The following EPPK1 variants were observed in gnomAD, a reference collection of about 807,000 sequenced individuals.
EPPK1 encodes epiplakin 1, also known as epiplakin.
For synonymous variants in EPPK1, 1,862 were observed against 1,721.2 expected, an observed-to-expected ratio of 1.08 and a Z score of -2.03; for missense variants, 3,823 against 3,673.3, an observed-to-expected ratio of 1.04 and a Z score of -1.05.
Position 143,866,753 on chromosome 8 carries a change from G to A in EPPK1, c.6501C>T (p.Thr2167=), listed in dbSNP as rs1001031141. 3 of 1,613,528 alleles carry A rather than the reference G, an allele frequency of 1.9e-6. No individual in the cohort carries two copies. Among genetic ancestry groups the A allele is most frequent in the African/African-American group, 1.3e-5 (1 of 75,062 alleles). Residue 2167 remains threonine, a synonymous_variant, in exon 2 of 2, where the codon ACC becomes ACT. Transcript: ENST00000615648. ...LILELIEKQE[T]SNKHLWFQGI... ...CTTGGAACCACAGGTGTTTGTTGCT[G>A]GTTTCCTGCTTCTCGATCAACTCTA...
rs146891634 is a variant in EPPK1 at position 143,877,812 on chromosome 8, G to A, written c.-46+626C>T. Among the ~76,000 whole-genome samples, 479 of 152,062 alleles carry A rather than the reference G, an allele frequency of 3.2e-3. 1 individual carries two copies. The highest frequency in any genetic ancestry group is 6.4e-3 in the South Asian group (31 of 4,814). ...ACAAGCTTGGCACAGTGCAGCGGGGGCCCAGGGCAGGGAAGCAGAGCCCTG... is the reference window on the plus strand; with the variant it reads ...ACAAGCTTGGCACAGTGCAGCGGGGACCCAGGGCAGGGAAGCAGAGCCCTG... On this transcript the variant is annotated intron_variant, in intron 1 of 1. Transcript: ENST00000615648.
chr8:143,878,594 CGGGCCT>C (rs1819539301), upstream of EPPK1: 1 of 151,282 alleles, frequency 6.6e-6, no homozygotes, highest in African/African-American at 2.4e-5. Flanking sequence ...CCGCGCGGCC[CGGGCCT>C]GGCGCTTGCA....
At position 143,871,472 on chromosome 8, in the gene EPPK1, C is replaced by G; in HGVS notation, c.1782G>C (p.Lys594Asn). 6.2e-7 allele frequency: 1 copy of G among 1,608,864 alleles called. No individual in the cohort carries two copies. Among genetic ancestry groups the G allele is most frequent in the South Asian group, 1.1e-5 (1 of 90,376 alleles). ...GCACCGAGGCCAGGCTGCCCACATCCTTGGCTGTGGCCTGTCCATGCTCCA... is the reference window on the plus strand; with the variant it reads ...GCACCGAGGCCAGGCTGCCCACATCGTTGGCTGTGGCCTGTCCATGCTCCA... Reference protein sequence around the residue: ...ERLEHGQATAKDVGSLASVQR... With the variant: ...ERLEHGQATANDVGSLASVQR... The change falls in exon 2 of 2, where the codon AAG (lysine) becomes AAC (asparagine). Residue 594 changes from lysine to asparagine, a missense_variant. Coordinates refer to ENST00000615648, the MANE Select transcript of EPPK1 (RefSeq NM_031308.4).
chr8:143,877,137 G>A (rs1554662400), intron 1 of EPPK1, among the ~76,000 whole-genome samples: 2 of 152,258 alleles, frequency 1.3e-5, no homozygotes, highest in African/African-American at 4.8e-5. Flanking sequence ...CACCATGCGT[G>A]AGATGCGGCC....
Position 143,872,993 on chromosome 8 carries a change from G to A in EPPK1, c.261C>T (p.Leu87=), listed in dbSNP as rs556305553. 7.6e-6 allele frequency: 12 copies of A among 1,582,968 alleles called. No individual in the cohort carries two copies. Among genetic ancestry groups the A allele is most frequent in the East Asian group, 4.5e-5 (2 of 44,338 alleles). Residue 87 remains leucine, a synonymous_variant, in exon 2 of 2, where the codon CTC becomes CTT. Coordinates refer to ENST00000615648, the MANE Select transcript of EPPK1 (RefSeq NM_031308.4). ...ACACAGGGAGCAGCTGGCCCCGGGC[G>A]AGGTCCACCAGGCCCCCAGTGGCTG... ...AQAATGGLVD[L]ARGQLLPVSK...
Position 143,867,128 on chromosome 8 carries a change from C to T in EPPK1, c.6126G>A (p.Ala2042=), listed in dbSNP as rs781957651. The T allele has an allele frequency of 3.7e-5, 60 of 1,612,676 alleles. No homozygotes were observed. The highest frequency in any genetic ancestry group is 2.7e-4 in the East Asian group (12 of 44,886). Residue 2042 remains alanine, a synonymous_variant, in exon 2 of 2, where the codon GCG becomes GCA. Coordinates refer to ENST00000615648, the MANE Select transcript of EPPK1 (RefSeq NM_031308.4). ...TCATGTGCTTCTGGTCGGAAATGAG[C>T]GCATAGATGTCCTTGTGCAGACAGC... ...RRGCLHKDIY[A]LISDQKHMRK...
rs782145665 is a variant in EPPK1, at chr8:143,867,010, G to A, written c.6244C>T (p.Leu2082=). Reference sequence around the variant, plus strand: ...CGTGCAGCCTTGTTCACTGGGAACAGCAGCCAGCCCGTGTCCTCTTGTGGG... The same window carrying A: ...CGTGCAGCCTTGTTCACTGGGAACAACAGCCAGCCCGTGTCCTCTTGTGGG... ...CRPQEDTGWL[L]FPVNKAARDS... The change falls in exon 2 of 2, where the codon CTG becomes TTG. Residue 2082 remains leucine (L), a synonymous_variant. Transcript: ENST00000615648. The A allele has an allele frequency of 2.0e-5, 32 of 1,612,734 alleles. No individual in the cohort carries two copies. Among genetic ancestry groups the A allele is most frequent in the Non-Finnish European group, 2.5e-5 (30 of 1,179,880 alleles).
In EPPK1 at chr8:143,872,908, C is replaced by T. The variant is rs782753507; in HGVS notation, c.346G>A (p.Glu116Lys). ...LELKEKLLAA[E>K]RATTGYPDPY... ...TCAGGATAGCCCGTAGTGGCACGCTCAGCGGCCAGCAGCTTCTCCTTCAGC... is the reference window on the plus strand; with the variant it reads ...TCAGGATAGCCCGTAGTGGCACGCTTAGCGGCCAGCAGCTTCTCCTTCAGC... Residue 116 changes from glutamate to lysine, a missense_variant, in exon 2 of 2, where the codon GAG becomes AAG. Coordinates refer to ENST00000615648, the MANE Select transcript of EPPK1 (RefSeq NM_031308.4). 12 of 1,607,208 alleles carry T rather than the reference C, an allele frequency of 7.5e-6. No homozygotes were observed. The South Asian group carries it at 7.7e-5, about 10-fold the overall frequency.
At position 143,866,952 on chromosome 8, in the gene EPPK1, C is replaced by A; in HGVS notation, c.6302G>T (p.Arg2101Met). ...TTCCACTTGCTCTGCCTCCAGGGCC[C>A]TTCTCGTCTCGTCATCGATGTGCTC... is the stretch of plus-strand genomic sequence containing the variant. ...DSEHIDDETRRALEAEQVEIT... is the reference protein window; with the variant it reads ...DSEHIDDETRMALEAEQVEIT... Residue 2101 changes from arginine (R) to methionine (M), a missense_variant, in exon 2 of 2, where the codon AGG (arginine) becomes ATG (methionine). Physicochemically the swap from Arg to Met is moderately conservative, Grantham distance 91 (BLOSUM62 -1). Transcript: ENST00000615648. 1 of 1,612,838 alleles carries A rather than the reference C, an allele frequency of 6.2e-7. No individual in the cohort carries two copies. Among genetic ancestry groups the A allele is most frequent in the East Asian group, 2.2e-5 (1 of 44,870 alleles).
rs782818669 is a variant in EPPK1, at chr8:143,872,280, G to T, written c.974C>A (p.Thr325Asn). ...TGTGATGGGGTCCACCAGGGTGTGG[G>T]TGGCAGCCTGGGCCTCTAGGAGTGG... is the stretch of plus-strand genomic sequence containing the variant. ...ALPLLEAQAA[T>N]HTLVDPITGQ... Residue 325 changes from threonine (T) to asparagine (N), a missense_variant, in exon 2 of 2, where the codon ACC (threonine) becomes AAC (asparagine). Coordinates refer to ENST00000615648, the MANE Select transcript of EPPK1 (RefSeq NM_031308.4). The T allele has an allele frequency of 1.2e-6, 2 of 1,605,726 alleles. No individual in the cohort carries two copies. Among genetic ancestry groups the T allele is most frequent in the Non-Finnish European group, 1.7e-6 (2 of 1,176,370 alleles).
chr8:143,873,622 TGTCCTCGA>T (rs1438571418), intron 1 of EPPK1, among the ~76,000 whole-genome samples: 7 of 151,866 alleles, frequency 4.6e-5, no homozygotes, highest in African/African-American at 1.7e-4. Flanking sequence ...CAGGGTCCTG[TGTCCTCGA>T]GTCCTTCCTG....
Position 143,869,791 on chromosome 8 carries a change from C to T in EPPK1, c.3463G>A (p.Glu1155Lys), listed in dbSNP as rs561302435. ...TCCAGCAGGCCCCTCCGTTGCTCCT[C>T]GGTGAAGTGGCAGGAGCTGAGCAGG... ...WDLLSSCHFT[E>K]EQRRGLLEDV... Residue 1155 changes from glutamate (E) to lysine (K), a missense_variant, in exon 2 of 2, where the codon GAG (glutamate) becomes AAG (lysine). Transcript: ENST00000615648. 58 of 1,605,314 alleles carry T rather than the reference C, an allele frequency of 3.6e-5. No homozygotes were observed. Among genetic ancestry groups the T allele is most frequent in the African/African-American group, 2.9e-4 (22 of 74,876 alleles).
Position 143,866,753 on chromosome 8 carries a change from G to C in EPPK1, c.6501C>G (p.Thr2167=). ...LILELIEKQE[T]SNKHLWFQGI... ...CTTGGAACCACAGGTGTTTGTTGCT[G>C]GTTTCCTGCTTCTCGATCAACTCTA... is the stretch of plus-strand genomic sequence containing the variant. Residue 2167 remains threonine, a synonymous_variant, in exon 2 of 2, where the codon ACC becomes ACG. Coordinates refer to ENST00000615648, the MANE Select transcript of EPPK1 (RefSeq NM_031308.4). 2 of 1,613,528 alleles carry C rather than the reference G, an allele frequency of 1.2e-6. No individual in the cohort carries two copies. The highest frequency in any genetic ancestry group is 1.7e-6 in the Non-Finnish European group (2 of 1,179,884).
chr8:143,866,375 GCCCACCACGCCCGCGGCCACGGCC>G lies in EPPK1; in HGVS notation c.6855_6878del (p.Glu2285_Gly2293delinsAsp), dbSNP rs1819106522. ...ACAGCAGCTTCTCCTGGATCTCGCC[GCCCACCACGCCCGCGGCCACGGCC>G]TCCTCCACCGACAGCCTCAGGTTGC... is the stretch of plus-strand genomic sequence containing the variant. On this transcript the variant is annotated inframe_deletion, in exon 2 of 2. Transcript: ENST00000615648. The G allele has an allele frequency of 1.1e-6, 1 of 874,816 alleles. No homozygotes were observed. Among genetic ancestry groups the G allele is most frequent in the African/African-American group, 2.0e-5 (1 of 49,024 alleles). 54.2% of individuals were successfully genotyped at this position (874,816 alleles called of 1,614,324 possible). A position where few individuals can be genotyped will look rare whatever the true frequency, so the allele number is the denominator to read the frequency against.
In EPPK1 at chr8:143,870,132, T is replaced by C; in HGVS notation, c.3122A>G (p.Glu1041Gly). The C allele has an allele frequency of 6.2e-7, 1 of 1,611,642 alleles. No individual in the cohort carries two copies. Among genetic ancestry groups the C allele is most frequent in the East Asian group, 2.2e-5 (1 of 44,848 alleles). ...IPWEQAARLL[E>G]AQVATGGIID... ...GATCCCTCCTGTGGCCACTTGAGCCTCCAGGAGGCGGGCAGCTTGCTCCCA... is the reference window on the plus strand; with the variant it reads ...GATCCCTCCTGTGGCCACTTGAGCCCCCAGGAGGCGGGCAGCTTGCTCCCA... Residue 1041 changes from glutamate (E) to glycine (G), a missense_variant, in exon 2 of 2, where the codon GAG becomes GGG. Glu to Gly is a moderately conservative substitution (Grantham distance 98, BLOSUM62 -2). Transcript: ENST00000615648. The surrounding 1 kb of genome is among the most constrained non-coding windows in gnomAD (Gnocchi z 5.2).
rs114125680 is a variant in EPPK1 at position 143,866,795 on chromosome 8, C to T, written c.6459G>A (p.Thr2153=). ...YRTHTRRALQ[T]VAQLILELIE... ...TCAACTCTAAGATGAGCTGCGCTAC[C>T]GTCTGCAGTGCCCGTCTGGTGTGTG... Residue 2153 remains threonine (T), a synonymous_variant, in exon 2 of 2, where the codon ACG becomes ACA. Coordinates refer to ENST00000615648, the MANE Select transcript of EPPK1 (RefSeq NM_031308.4). The T allele has an allele frequency of 2.4e-3, 3,852 of 1,613,474 alleles. 6 individuals are homozygous for T. The highest frequency in any genetic ancestry group is 2.8e-3 in the Non-Finnish European group (3,321 of 1,179,870).
At chr8:143,875,818 C>T (rs1819466707) in intron 1 of EPPK1, among the ~76,000 whole-genome samples, 1 of 152,238 alleles carries the variant, frequency 6.6e-6, no homozygotes, top group African/African-American at 2.4e-5. Context: ...CCAGTGACGC[C>T]TTGCAGGCTA....
Position 143,872,024 on chromosome 8 carries a change from C to T in EPPK1, c.1230G>A (p.Arg410=), listed in dbSNP as rs1043560509. Residue 410 remains arginine, a synonymous_variant, in exon 2 of 2, where the codon AGG becomes AGA. Coordinates refer to ENST00000615648, the MANE Select transcript of EPPK1 (RefSeq NM_031308.4). The part of the protein sequence containing the change: ...ATGGLVCPAR[R]LRLPLEAALR... ...GGGCGGCCTCCAGGGGCAGCCGGAGCCTGCGTGCTGGACAGACCAGCCCGC... is the reference window on the plus strand; with the variant it reads ...GGGCGGCCTCCAGGGGCAGCCGGAGTCTGCGTGCTGGACAGACCAGCCCGC... The T allele has an allele frequency of 6.4e-7, 1 of 1,563,412 alleles. No homozygotes were observed.
intron 1 of EPPK1, among the ~76,000 whole-genome samples, 167 bp downstream of exon 1, chr8:143,878,271 C>T (rs1563891876): frequency 6.6e-6 from 1 of 151,552 alleles, no homozygotes; most frequent in African/African-American, 2.4e-5. Context: ...CTGGCCGCCG[C>T]GCCCCTACCC....
Sources: allele counts gnomAD v4.1 joint callset (sites outside exome capture counted in the v4.1 genomes callset), GRCh38; gene constraint gnomAD v4.1.1; non-coding constraint Gnocchi (gnomAD v3.1); transcripts MANE v1.5; gene names NCBI Gene and HGNC (gene_info 2026-07-23, HGNC 2026-07-21).